TPD52L2: variants seen among roughly 807,000 people sequenced by gnomAD.
The protein encoded by TPD52L2 is TPD52 like 2.
A neutral mutation model predicts 24.7 loss-of-function variants in TPD52L2; 19 were observed. That is an observed-to-expected ratio of 0.77 (90% CI 0.54 to 1.13). The LOEUF is 1.13. Among genes scored for constraint, TPD52L2 ranks in the 50% most tolerant of loss-of-function variants. The probability of loss-of-function intolerance (pLI) is 0.00; values close to 1 mark genes in which losing one functional copy is unlikely to be tolerated. For synonymous variants in TPD52L2, 104 were observed against 100.2 expected, an observed-to-expected ratio of 1.04 and a Z score of -0.23; for missense variants, 236 against 250.4, an observed-to-expected ratio of 0.94 and a Z score of 0.39.
chr20:63,876,870 C>G (rs1173829632), intron 4 of TPD52L2: 1 of 454,844 alleles, frequency 2.2e-6, no homozygotes, highest in Non-Finnish European at 4.4e-6. Flanking sequence ...AGCTGTACAT[C>G]TGGGTGCTCT....
intron 2 of TPD52L2, among the ~76,000 whole-genome samples, chr20:63,873,159 A>G (rs2052531408): frequency 6.6e-6 from 1 of 151,920 alleles, no homozygotes; most frequent in Admixed American, 6.6e-5. Context: ...GGCATGGGAT[A>G]GTTCCCTGGA....
At position 63,889,982 on chromosome 20, in the gene TPD52L2, A is replaced by ACCCAGCCTCAGCAT; in HGVS notation, c.*39_*52dup. The stretch of plus-strand genomic sequence containing the variant: ...CTTCACCCGCTGCAGAGCACACGCA[A>ACCCAGCCTCAGCAT]CCCAGCCTCAGCATCACAGCCGCAG... On this transcript the variant is annotated 3_prime_UTR_variant, in exon 7 of 7. Coordinates refer to ENST00000346249, the MANE Select transcript of TPD52L2 (RefSeq NM_003288.4). 2 of 1,611,224 alleles carry ACCCAGCCTCAGCAT rather than the reference A, an allele frequency of 1.2e-6. No homozygotes were observed. Among genetic ancestry groups the ACCCAGCCTCAGCAT allele is most frequent in the Non-Finnish European group, 1.7e-6 (2 of 1,179,442 alleles).
At chr20:63,867,232 G>A (rs1005701244) in intron 1 of TPD52L2, among the ~76,000 whole-genome samples, 2 of 152,170 alleles carry the variant, frequency 1.3e-5, no homozygotes, top group African/African-American at 4.8e-5. Flanking sequence ...GGGATTACAG[G>A]TGTGAGCCAT....
intron 1 of TPD52L2, among the ~76,000 whole-genome samples, chr20:63,866,954 C>CTT (rs72491050): frequency 5.7e-5 from 8 of 139,648 alleles, no homozygotes; most frequent in Non-Finnish European, 9.4e-5. Flanking sequence ...GGTCTTTCTA[C>CTT]TTTTTTTTTT....
rs999485062 is a variant in TPD52L2 at position 63,872,259 on chromosome 20, T to G, written c.166-1409T>G. Among the ~76,000 whole-genome samples, 13 of 152,290 alleles carry G rather than the reference T, an allele frequency of 8.5e-5. No individual in the cohort carries two copies. In the South Asian group the frequency reaches 1.5e-3, roughly 17 times the overall value. Reference sequence around the variant, plus strand: ...TCACCTGTGTCACTGTCCATCTGCCTCCTCCTCTCTGCATATGGAATTCTA... The same window carrying G: ...TCACCTGTGTCACTGTCCATCTGCCGCCTCCTCTCTGCATATGGAATTCTA... On this transcript the variant is annotated intron_variant, in intron 2 of 6. Coordinates refer to ENST00000346249, the MANE Select transcript of TPD52L2 (RefSeq NM_003288.4).
At chr20:63,875,677 C>A in intron 3 of TPD52L2, 139 bp from the exon 4 acceptor site, 1 of 795,566 alleles carries the variant, frequency 1.3e-6, no homozygotes, top group East Asian at 2.7e-5. Context: ...AGGCAGTGGA[C>A]CCCATTTTTG....
At chr20:63,873,602 TG>T in intron 2 of TPD52L2, 65 bp from the exon 3 acceptor site, 1 of 1,568,020 alleles carries the variant, frequency 6.4e-7, no homozygotes, top group Non-Finnish European at 8.7e-7. Context: ...CATGGCACTG[TG>T]CATGAGGATG....
chr20:63,873,852 AAG>A (rs1381298480), intron 3 of TPD52L2, 36 bp downstream of exon 3: 70 of 1,454,998 alleles, frequency 4.8e-5, no homozygotes, highest in Non-Finnish European at 6.2e-5. Context: ...CTGGGGGCTG[AAG>A]AGAACGGGCA....
At chr20:63,884,473 G>T (rs191740116) in intron 5 of TPD52L2, among the ~76,000 whole-genome samples, 9 of 152,320 alleles carry the variant, frequency 5.9e-5, no homozygotes, top group Admixed American at 2.0e-4. Flanking sequence ...CAAGGGGCAC[G>T]TGGAGCCCTT....
In TPD52L2 at chr20:63,875,822, G is replaced by C; in HGVS notation, c.321G>C (p.Val107=). 1 of 1,614,080 alleles carries C rather than the reference G, an allele frequency of 6.2e-7. No homozygotes were observed. The highest frequency in any genetic ancestry group is 8.5e-7 in the Non-Finnish European group (1 of 1,179,964). Residue 107 remains valine, a synonymous_variant, in exon 4 of 7, where the codon GTG becomes GTC. Transcript: ENST00000346249. ...GTAGACTTTCTGTTTTTAGCTATGTGAAAACTTCTGAGAAACTTGGAGAGT... is the reference window on the plus strand; with the variant it reads ...GTAGACTTTCTGTTTTTAGCTATGTCAAAACTTCTGAGAAACTTGGAGAGT... ...WHDVQVSSAY[V]KTSEKLGEWN... is the part of the protein sequence containing the mutation.
In TPD52L2 at chr20:63,870,001, G is replaced by C. The variant is rs545115127; in HGVS notation, c.165+560G>C. 9.9e-5 allele frequency among the ~76,000 whole-genome samples: 15 copies of C among 152,256 alleles called. No homozygotes were observed. In the South Asian group the frequency reaches 3.1e-3, roughly 32 times the overall value. On this transcript the variant is annotated intron_variant, in intron 2 of 6. Coordinates refer to ENST00000346249, the MANE Select transcript of TPD52L2 (RefSeq NM_003288.4). ...AAATTAGCCAGGTGTGGTGGCATGTGCCTGTAGTCCCAGCTACTCAGGAGG... is the reference window on the plus strand; with the variant it reads ...AAATTAGCCAGGTGTGGTGGCATGTCCCTGTAGTCCCAGCTACTCAGGAGG...
At chr20:63,869,532 G>T (rs1455713900) in intron 2 of TPD52L2, 91 bp downstream of exon 2, 7 of 1,540,006 alleles carry the variant, frequency 4.5e-6, no homozygotes. Flanking sequence ...ACGCTCGGGA[G>T]GAATTGCCCT....
At chr20:63,874,168 C>G (rs994253554) in intron 3 of TPD52L2, among the ~76,000 whole-genome samples, 2 of 151,800 alleles carry the variant, frequency 1.3e-5, no homozygotes, top group African/African-American at 4.8e-5. Flanking sequence ...TCTCCTGCCT[C>G]AGCCTCCCAA....
intron 3 of TPD52L2, among the ~76,000 whole-genome samples, chr20:63,874,969 GTC>G (rs2052611870): frequency 1.3e-5 from 2 of 151,820 alleles, no homozygotes; most frequent in Admixed American, 1.3e-4. Flanking sequence ...GAGAAACCCT[GTC>G]TCTACTAAAA....
intron 4 of TPD52L2, among the ~76,000 whole-genome samples, chr20:63,882,148 T>C (rs1430992772): frequency 6.6e-6 from 1 of 152,228 alleles, no homozygotes; most frequent in Non-Finnish European, 1.5e-5. Context: ...CCTTGCGGGC[T>C]GCATGGCCAC....
Position 63,874,228 on chromosome 20 carries a change from TTG to T in TPD52L2, c.314+440_314+441del, listed in dbSNP as rs547406712. 4.5e-3 allele frequency among the ~76,000 whole-genome samples: 636 copies of T among 139,880 alleles called. 4 individuals carry two copies. Among genetic ancestry groups the T allele is most frequent in the African/African-American group, 0.013 (472 of 36,656 alleles). The allele number at this position is 139,880 out of a possible 152,430, so 91.8% of individuals were successfully genotyped here. On this transcript the variant is annotated intron_variant, in intron 3 of 6. Transcript: ENST00000346249. ...CACCGCGCCCGGCTGATTTTTTTTT[TTG>T]TGTGTGTGTGTGTGTGTGTGTGTGT...
At chr20:63,885,993 TCTCTC>T (rs750299074) in intron 5 of TPD52L2, 1 of 1,614,068 alleles carries the variant, frequency 6.2e-7, no homozygotes, top group Admixed American at 1.7e-5. Context: ...CGTTTCCTCT[TCTCTC>T]CTGCTGCCAC....
intron 3 of TPD52L2, 80 bp from the exon 4 acceptor site, chr20:63,875,736 C>T: frequency 1.4e-6 from 2 of 1,453,092 alleles, no homozygotes; most frequent in Non-Finnish European, 1.9e-6. Context: ...TCTCTGTCTT[C>T]CCTGGAACTT....
At chr20:63,875,152 A>ATATAT (rs1555873182) in intron 3 of TPD52L2, among the ~76,000 whole-genome samples, 2,566 of 141,598 alleles carry the variant, frequency 0.018, 70 homozygotes, top group East Asian at 0.11. Context: ...AAAAAAAAAA[A>ATATAT]ATATATATAT....
Sources: allele counts gnomAD v4.1 joint callset (sites outside exome capture counted in the v4.1 genomes callset), GRCh38; gene constraint gnomAD v4.1.1; transcripts MANE v1.5; gene names NCBI Gene and HGNC (gene_info 2026-07-23, HGNC 2026-07-21).